The following NKAIN2 variants were observed in gnomAD, a reference collection of about 807,000 sequenced individuals.
NKAIN2 encodes the protein sodium/potassium transporting ATPase interacting 2, also known as sodium/potassium-transporting ATPase subunit beta-1-interacting protein 2.
Under a neutral mutation model 32.6 loss-of-function variants are expected in NKAIN2, and 14 were observed. That is an observed-to-expected ratio of 0.43 (90% CI 0.28 to 0.67). NKAIN2 has a LOEUF of 0.67. NKAIN2 is among the 30% of genes least tolerant of loss of function. NKAIN2 has a pLI of 0.17. For synonymous variants in NKAIN2, 80 were observed against 87.2 expected (o/e 0.92, Z 0.46); for missense variants, 198 against 258.3 (o/e 0.77, Z 1.60).
chr6:123,990,490 T>C (rs1293355706), intron 1 of NKAIN2, among the ~76,000 whole-genome samples: 1 of 152,182 alleles, frequency 6.6e-6, no homozygotes, highest in Non-Finnish European at 1.5e-5. Context: ...CATTACGTTG[T>C]AAGACTAGTG....
intron 1 of NKAIN2, among the ~76,000 whole-genome samples, chr6:123,953,061 G>C (rs1777400308): frequency 6.6e-6 from 1 of 152,282 alleles, no homozygotes; most frequent in Non-Finnish European, 1.5e-5. Flanking sequence ...TTATGTCTAT[G>C]GTATTGGTTG....
At chr6:123,835,600 CAGAG>C (rs1358115162) in intron 1 of NKAIN2, among the ~76,000 whole-genome samples, 1 of 152,118 alleles carries the variant, frequency 6.6e-6, no homozygotes, top group African/African-American at 2.4e-5. Flanking sequence ...TGTGCAGACA[CAGAG>C]AGACATCACA....
intron 4 of NKAIN2, among the ~76,000 whole-genome samples, chr6:124,678,093 A>G (rs973002610): frequency 6.6e-6 from 1 of 152,132 alleles, no homozygotes; most frequent in African/African-American, 2.4e-5. Context: ...GTCTTATAGA[A>G]ACTACCTTGT....
intron 1 of NKAIN2, among the ~76,000 whole-genome samples, chr6:124,111,888 T>C (rs2114971552): frequency 6.6e-6 from 1 of 152,080 alleles, no homozygotes; most frequent in African/African-American, 2.4e-5. Flanking sequence ...TTACATAAAA[T>C]ATCTTACAAC....
intron 1 of NKAIN2, among the ~76,000 whole-genome samples, chr6:124,002,102 A>C (rs1779901127): frequency 6.6e-6 from 1 of 152,086 alleles, no homozygotes; most frequent in Non-Finnish European, 1.5e-5. Context: ...TTTGGCTTTC[A>C]ATAAAAATGT....
intron 4 of NKAIN2, among the ~76,000 whole-genome samples, chr6:124,719,292 A>G (rs912534296): frequency 6.6e-6 from 1 of 152,188 alleles, no homozygotes. Context: ...GGTAGAATAT[A>G]TAGGGAATGT....
rs183751340 is a variant in NKAIN2 at position 124,684,628 on chromosome 6, G to C, written c.474+26242G>C. On this transcript the variant is annotated intron_variant, in intron 4 of 6. Transcript: ENST00000368417. The stretch of plus-strand genomic sequence containing the variant: ...CTGACAAATTTAATCATTGTAATGG[G>C]TTTCTTCTAGCCAAGAGGATGAAAG... Among the ~76,000 whole-genome samples the C allele has an allele frequency of 2.2e-3, 341 of 152,216 alleles. 3 individuals are homozygous for C. The highest frequency in any genetic ancestry group is 7.8e-3 in the African/African-American group (325 of 41,536).
chr6:124,019,079 T>C (rs536666623), intron 1 of NKAIN2, among the ~76,000 whole-genome samples: 1 of 152,216 alleles, frequency 6.6e-6, no homozygotes, highest in South Asian at 2.1e-4. Flanking sequence ...AGAACTCCCC[T>C]TTATAAAACC....
intron 1 of NKAIN2, among the ~76,000 whole-genome samples, chr6:124,069,605 A>G (rs1024100380): frequency 6.6e-6 from 1 of 152,214 alleles, no homozygotes; most frequent in Non-Finnish European, 1.5e-5. Context: ...CTAATTAGAC[A>G]GGTGACCTAC....
At position 124,257,897 on chromosome 6, in the gene NKAIN2, G is replaced by A. The variant is rs375194787; in HGVS notation, c.55-25108G>A. Among the ~76,000 whole-genome samples the A allele has an allele frequency of 3.1e-4, 46 of 150,048 alleles. No homozygotes were observed. The East Asian group carries it at 7.8e-3, about 26-fold the overall frequency. ...GGGTTCAAGTGATTCTCCTACCTCAGCCTCCCAAGTAGCTGGGATTACAGG... is the reference window on the plus strand; with the variant it reads ...GGGTTCAAGTGATTCTCCTACCTCAACCTCCCAAGTAGCTGGGATTACAGG... On this transcript the variant is annotated intron_variant, in intron 1 of 6. Coordinates refer to ENST00000368417, the MANE Select transcript of NKAIN2 (RefSeq NM_001040214.3).
intron 3 of NKAIN2, among the ~76,000 whole-genome samples, chr6:124,396,534 G>A (rs1352798798): frequency 1.3e-5 from 2 of 152,036 alleles, no homozygotes; most frequent in African/African-American, 2.4e-5. Context: ...GATACATAAG[G>A]GGAATAGTTT....
chr6:123,851,804 T>G (rs1775358802), intron 1 of NKAIN2, among the ~76,000 whole-genome samples: 1 of 152,230 alleles, frequency 6.6e-6, no homozygotes, highest in South Asian at 2.1e-4. Flanking sequence ...GATAGAGTTC[T>G]TTGAGATCCT....
chr6:124,173,263 C>T (rs920227098), intron 1 of NKAIN2, among the ~76,000 whole-genome samples: 7 of 152,006 alleles, frequency 4.6e-5, no homozygotes, highest in African/African-American at 7.2e-5. Context: ...CAAAATGATT[C>T]GGTTGATTCT....
chr6:123,964,680 C>T lies in NKAIN2; in HGVS notation c.54+160426C>T, dbSNP rs549221269. 1.3e-5 allele frequency among the ~76,000 whole-genome samples: 2 copies of T among 152,132 alleles called. No homozygotes were observed. The highest frequency in any genetic ancestry group is 4.1e-4 in the South Asian group (2 of 4,828). On this transcript the variant is annotated intron_variant, in intron 1 of 6. Coordinates refer to ENST00000368417, the MANE Select transcript of NKAIN2 (RefSeq NM_001040214.3). The surrounding 1 kb of genome is among the most constrained non-coding windows in gnomAD (Gnocchi z 4.0). ...TTTTGGAGTGTTGCCCAGCCACTTT[C>T]CTGTACTCACATTCACCCAGCATCT...
chr6:124,426,718 A>G (rs1166281354), intron 3 of NKAIN2, among the ~76,000 whole-genome samples: 1 of 151,954 alleles, frequency 6.6e-6, no homozygotes, highest in Non-Finnish European at 1.5e-5. Flanking sequence ...CCCAAATCTC[A>G]TCTTGAATTA....
chr6:124,298,418 A>C (rs1796154776), intron 2 of NKAIN2, among the ~76,000 whole-genome samples: 1 of 152,148 alleles, frequency 6.6e-6, no homozygotes, highest in African/African-American at 2.4e-5. Context: ...CATGATTCGA[A>C]TTACTAGGAA....
chr6:124,323,773 T>C (rs912083490), intron 2 of NKAIN2, among the ~76,000 whole-genome samples: 2 of 148,572 alleles, frequency 1.3e-5, no homozygotes, highest in Non-Finnish European at 3.0e-5. Flanking sequence ...TTTCAATTCT[T>C]TTAATTTTTT....
intron 1 of NKAIN2, among the ~76,000 whole-genome samples, chr6:124,191,844 A>T (rs1790036016): frequency 6.6e-6 from 1 of 152,154 alleles, no homozygotes; most frequent in African/African-American, 2.4e-5. Context: ...TATCAAGATG[A>T]TTATATTACT....
At chr6:124,344,771 T>C (rs1444461378) in intron 2 of NKAIN2, among the ~76,000 whole-genome samples, 1 of 152,226 alleles carries the variant, frequency 6.6e-6, no homozygotes, top group African/African-American at 2.4e-5. Flanking sequence ...AATGATGTCA[T>C]CTGCAAACAG....
Sources: allele counts gnomAD v4.1 joint callset (sites outside exome capture counted in the v4.1 genomes callset), GRCh38; gene constraint gnomAD v4.1.1; non-coding constraint Gnocchi (gnomAD v3.1); transcripts MANE v1.5; gene names NCBI Gene and HGNC (gene_info 2026-07-23, HGNC 2026-07-21).